Variants in TPST1 observed in about 807,000 individuals in gnomAD.
TPST1 encodes the protein tyrosylprotein sulfotransferase 1, also known as protein-tyrosine sulfotransferase 1.
In TPST1, 20 loss-of-function variants were observed where a neutral mutation model predicts 34.8. The ratio of observed to expected loss-of-function variants is 0.57; its 90% CI spans 0.40 to 0.84. TPST1 has a LOEUF of 0.84. Among genes scored for constraint, TPST1 ranks in the 40% least tolerant of loss-of-function variants. TPST1 has a pLI of 0.00. For missense variants in TPST1, 353 were observed against 455.5 expected (o/e 0.78, Z 2.05); for synonymous variants, 152 against 159.4 (o/e 0.95, Z 0.35).
intron 2 of TPST1, among the ~76,000 whole-genome samples, chr7:66,276,385 T>TATATATATATATATATATATATATATGTG (rs1431495136): frequency 7.3e-6 from 1 of 137,748 alleles, no homozygotes; most frequent in African/African-American, 2.8e-5. Flanking sequence ...TATATATGTA[T>TATATATATATATATATATATATATATGTG]TTTTTTGAGG....
At chr7:66,294,203 T>G (rs1791145175) in intron 3 of TPST1, among the ~76,000 whole-genome samples, 1 of 152,142 alleles carries the variant, frequency 6.6e-6, no homozygotes. Flanking sequence ...TCAACTGCAG[T>G]TTTTTGTGTC....
chr7:66,352,835 A>C, intron 4 of TPST1: 1 of 985,448 alleles, frequency 1.0e-6, no homozygotes, highest in Non-Finnish European at 1.2e-6. Context: ...GAGGTCCTGC[A>C]CAAGCCGCCC....
intron 3 of TPST1, among the ~76,000 whole-genome samples, chr7:66,296,174 A>G (rs1278775132): frequency 3.9e-5 from 6 of 151,968 alleles, no homozygotes; most frequent in Non-Finnish European, 7.4e-5. Flanking sequence ...TGACTAAAGA[A>G]TCTATTTCAT....
At chr7:66,251,780 T>C (rs537908003) in intron 2 of TPST1, among the ~76,000 whole-genome samples, 1 of 152,312 alleles carries the variant, frequency 6.6e-6, no homozygotes, top group Non-Finnish European at 1.5e-5. Flanking sequence ...TCTGTGTTTT[T>C]TTCGGTCAGG....
At chr7:66,276,447 C>T (rs1790817681) in intron 2 of TPST1, among the ~76,000 whole-genome samples, 1 of 140,340 alleles carries the variant, frequency 7.1e-6, no homozygotes, top group South Asian at 2.2e-4. Context: ...GATCTCGGCT[C>T]ATTGCAACCT....
intron 3 of TPST1, among the ~76,000 whole-genome samples, chr7:66,352,279 C>T (rs1792495022): frequency 6.6e-6 from 1 of 152,192 alleles, no homozygotes; most frequent in Non-Finnish European, 1.5e-5. Flanking sequence ...CTAGCCAGCC[C>T]ACATTTGTGA....
chr7:66,321,865 C>CAGT (rs1252803465), intron 3 of TPST1, among the ~76,000 whole-genome samples: 7 of 152,098 alleles, frequency 4.6e-5, no homozygotes, highest in South Asian at 4.1e-4. Context: ...TGTCATTGAC[C>CAGT]AGTAGCCTAT....
chr7:66,275,298 G>A (rs528145447), intron 2 of TPST1, among the ~76,000 whole-genome samples: 21 of 152,176 alleles, frequency 1.4e-4, no homozygotes, highest in Non-Finnish European at 2.2e-4. Flanking sequence ...TGGTACAGCC[G>A]TTATGGAAAA....
At chr7:66,239,137 T>G (rs1789972808) in intron 1 of TPST1, among the ~76,000 whole-genome samples, 1 of 152,236 alleles carries the variant, frequency 6.6e-6, no homozygotes, top group Non-Finnish European at 1.5e-5. Context: ...TCCTTTGGTT[T>G]AGAATATCCC....
chr7:66,286,068 A>G (rs933535224), intron 2 of TPST1, among the ~76,000 whole-genome samples: 4 of 152,212 alleles, frequency 2.6e-5, no homozygotes, highest in African/African-American at 9.6e-5. Context: ...AGATTGTGCC[A>G]TTAACATGTT....
chr7:66,214,764 C>T (rs1789352798), intron 1 of TPST1, among the ~76,000 whole-genome samples: 1 of 150,354 alleles, frequency 6.7e-6, no homozygotes, highest in South Asian at 2.1e-4. Context: ...GAGATCCTGC[C>T]ACTGCACTCC....
At chr7:66,259,678 AT>A (rs1236208200) in intron 2 of TPST1, among the ~76,000 whole-genome samples, 29 of 151,726 alleles carry the variant, frequency 1.9e-4, no homozygotes, top group Admixed American at 1.9e-3. Flanking sequence ...TATATGACTT[AT>A]CCACACACAT....
At chr7:66,224,139 G>C (rs1789601659) in intron 1 of TPST1, among the ~76,000 whole-genome samples, 1 of 152,176 alleles carries the variant, frequency 6.6e-6, no homozygotes, top group Admixed American at 6.5e-5. Context: ...TTCCCATGTT[G>C]ATGCTCTGAC....
In TPST1 at chr7:66,360,321, A is replaced by G. The variant is rs1792665628; in HGVS notation, c.*456A>G. 1.3e-5 allele frequency: 2 copies of G among 155,576 alleles called. No individual in the cohort carries two copies. The highest frequency in any genetic ancestry group is 1.3e-4 in the Admixed American group (2 of 15,542). The allele number at this position is 155,576 out of a possible 1,614,324, so 9.6% of individuals were successfully genotyped here. On this transcript the variant is annotated 3_prime_UTR_variant, in exon 6 of 6. Transcript: ENST00000304842. ...TAAGTGTATTGATGTGAATAATATT[A>G]AATATCCTAATTATTTAATTCATTG...
At chr7:66,356,467 C>T (rs903024364) in intron 4 of TPST1, among the ~76,000 whole-genome samples, 1 of 152,236 alleles carries the variant, frequency 6.6e-6, no homozygotes, top group East Asian at 1.9e-4. Flanking sequence ...CTCCAGCCAA[C>T]CTCCCCTCCC....
intron 3 of TPST1, among the ~76,000 whole-genome samples, chr7:66,330,455 T>C (rs1285031864): frequency 2.0e-5 from 3 of 152,230 alleles, no homozygotes; most frequent in African/African-American, 7.2e-5. Context: ...TTCTCTGTCC[T>C]CTTACATCTT....
At chr7:66,269,422 A>G (rs971962303) in intron 2 of TPST1, among the ~76,000 whole-genome samples, 1 of 152,226 alleles carries the variant, frequency 6.6e-6, no homozygotes, top group Admixed American at 6.5e-5. Context: ...TTTTTATTTC[A>G]GCAACAAAAG....
Position 66,240,563 on chromosome 7 carries a change from C to T in TPST1, c.138C>T (p.Ser46=), listed in dbSNP as rs778980736. The T allele has an allele frequency of 6.2e-7, 1 of 1,614,148 alleles. No homozygotes were observed. The highest frequency in any genetic ancestry group is 8.5e-7 in the Non-Finnish European group (1 of 1,180,024). ...GTAGCCAGCCAGTCAAATTGGAGAG[C>T]ACAAGGACCACTGTGAGAACTGGCC... The part of the protein sequence containing the change: ...EERSQPVKLE[S]TRTTVRTGLD... Residue 46 remains serine (S), a synonymous_variant, in exon 2 of 6, where the codon AGC becomes AGT. Transcript: ENST00000304842.
At chr7:66,357,935 T>TTTC (rs1478357169) in intron 5 of TPST1, among the ~76,000 whole-genome samples, 1 of 152,126 alleles carries the variant, frequency 6.6e-6, no homozygotes, top group Non-Finnish European at 1.5e-5. Flanking sequence ...AATACAAAAA[T>TTTC]TAGCTGGGTG....
Sources: gnomAD v4.1 joint callset for allele counts (sites outside exome capture counted in the v4.1 genomes callset) on GRCh38, gnomAD v4.1.1 for gene constraint, MANE v1.5 for transcripts, NCBI Gene and HGNC (gene_info 2026-07-23, HGNC 2026-07-21) for gene names.